The following MYL5 variants were observed in gnomAD, a reference collection of about 807,000 sequenced individuals.
The protein encoded by MYL5 is myosin regulatory light chain 5.
A neutral mutation model predicts 20.8 loss-of-function variants in MYL5; 28 were observed. That is an observed-to-expected ratio of 1.35 (90% CI 1.00 to 1.84). The LOEUF (loss-of-function observed/expected upper bound fraction) is 1.84. Ranked by LOEUF, MYL5 falls within the 40% of genes most tolerant of loss-of-function variation. MYL5 has a pLI of 0.00. For missense variants in MYL5, 274 were observed against 227.3 expected (o/e 1.21, Z -1.32); for synonymous variants, 118 against 87.4 (o/e 1.35, Z -1.95).
intron 3 of MYL5, 191 bp downstream of exon 5, chr4:679,224 C>T (rs1279444040): frequency 2.9e-6 from 2 of 698,436 alleles, no homozygotes; most frequent in Non-Finnish European, 5.1e-6. Flanking sequence ...GAGAGCATCC[C>T]AGGGTGAGAC....
chr4:681,001 A>C, intron 5 of MYL5, 91 bp from the exon 8 acceptor site: 1 of 1,427,656 alleles, frequency 7.0e-7, no homozygotes. Flanking sequence ...GTGAGCGAGT[A>C]CAACCTGGGG....
At chr4:677,698 A>G (rs566373409), upstream of MYL5, among the ~76,000 whole-genome samples, 10 of 152,266 alleles carry the variant, frequency 6.6e-5, no homozygotes, top group African/African-American at 2.2e-4. Context: ...CCCAGCCAAG[A>G]GCGTGTACAG....
At chr4:678,537 C>T (rs769658387) in intron 1 of MYL5, 121 bp from the exon 4 acceptor site, 90 of 1,465,574 alleles carry the variant, frequency 6.1e-5, no homozygotes, top group Non-Finnish European at 7.8e-5. Flanking sequence ...CTGTCTGGCC[C>T]CCTCCAGCCC....
rs1307067318 is a variant in MYL5 at position 677,952 on chromosome 4, G to C, written c.-75G>C. ...GGCAGCCGGAGTCTGAACTGTCCTG[G>C]GGGACCAAGCAGGAGCTTAAGATGG... On this transcript the variant is annotated 5_prime_UTR_variant, in exon 1 of 7. Coordinates refer to ENST00000400159, the Ensembl canonical transcript of MYL5. 43 of 1,612,332 alleles carry C rather than the reference G, an allele frequency of 2.7e-5. No individual in the cohort carries two copies. In the Admixed American group the frequency reaches 5.0e-4, roughly 19 times the overall value.
At chr4:677,885 C>T, upstream of MYL5, 1 of 1,431,730 alleles carries the variant, frequency 7.0e-7, no homozygotes, top group East Asian at 2.3e-5. Flanking sequence ...CTGCAGCTGT[C>T]CAGTCCCCTG....
upstream of MYL5, chr4:676,877 A>G (rs1738891789): frequency 3.0e-6 from 3 of 984,918 alleles, no homozygotes; most frequent in Non-Finnish European, 3.6e-6. Flanking sequence ...AGGGTCCTCA[A>G]CCTCAGGAGT....
At chr4:681,254 A>G in intron 6 of MYL5, 114 bp downstream of exon 8, 1 of 1,286,230 alleles carries the variant, frequency 7.8e-7, no homozygotes, top group Non-Finnish European at 1.1e-6. Context: ...AGGACCCAGG[A>G]CAGAACAGGC....
chr4:681,291 C>T (rs1739471194), intron 6 of MYL5, 151 bp downstream of exon 8: 1 of 894,184 alleles, frequency 1.1e-6, no homozygotes, highest in Non-Finnish European at 1.7e-6. Context: ...AAGTGCCCGT[C>T]TGAGGGACGG....
intron 5 of MYL5, 56 bp downstream of exon 7, chr4:680,643 T>A (rs1375217419): frequency 1.3e-6 from 2 of 1,566,848 alleles, no homozygotes; most frequent in Non-Finnish European, 1.8e-6. Context: ...AGTGATCTCA[T>A]CCTGTCCCAA....
At chr4:678,630 A>C (rs1577330665) in intron 1 of MYL5, 28 bp from the exon 4 acceptor site, 3 of 1,586,170 alleles carry the variant, frequency 1.9e-6, no homozygotes, top group Non-Finnish European at 1.7e-6. Flanking sequence ...CCAGCCCAGG[A>C]CCCTCAGCCA....
chr4:681,010 G>C, intron 5 of MYL5, 82 bp from the exon 8 acceptor site: 1 of 1,490,860 alleles, frequency 6.7e-7, no homozygotes, highest in Non-Finnish European at 9.1e-7. Context: ...TACAACCTGG[G>C]GCCCCTGGAG....
chr4:677,846 G>C (rs537182180), upstream of MYL5: 2 of 989,284 alleles, frequency 2.0e-6, no homozygotes, highest in Admixed American at 1.9e-5. Context: ...GCAAGGGTGT[G>C]AGTCACTGCC....
At chr4:679,668 G>C (rs371372440) in intron 3 of MYL5, among the ~76,000 whole-genome samples, 3 of 152,296 alleles carry the variant, frequency 2.0e-5, no homozygotes, top group South Asian at 4.1e-4. Context: ...GCAGATCCCA[G>C]CACCTTCCCA....
intron 3 of MYL5, 135 bp from the exon 6 acceptor site, chr4:679,766 ACTGCCCCACGTGC>A: frequency 4.6e-6 from 3 of 651,902 alleles, no homozygotes; most frequent in Non-Finnish European, 8.2e-6. Flanking sequence ...AGATGCACCC[ACTGCCCCACGTGC>A]CTGGGCCAAG....
chr4:677,930 A>G (rs1739008678), exon 1 of MYL5: 1 of 1,604,470 alleles, frequency 6.2e-7, no homozygotes, highest in Admixed American at 1.7e-5. Context: ...AGGGAGTGGC[A>G]GCCGGAGTCT....
At chr4:681,253 G>T in intron 6 of MYL5, 113 bp downstream of exon 8, 1 of 1,285,784 alleles carries the variant, frequency 7.8e-7, no homozygotes, top group South Asian at 1.3e-5. Context: ...TAGGACCCAG[G>T]ACAGAACAGG....
In MYL5 at chr4:679,032, G is replaced by C. The variant is rs762161361; in HGVS notation, c.186G>C (p.Leu62=). 5 of 1,613,522 alleles carry C rather than the reference G, an allele frequency of 3.1e-6. No homozygotes were observed. In the South Asian group the frequency reaches 5.5e-5, roughly 18 times the overall value. ...ACCTGAAGGACACCTATGCCTCCCT[G>C]GGTAGGTACCCAGGCAGAACGCCTC... The change falls in exon 3 of 7, where the codon CTG becomes CTC. Residue 62 remains leucine, a splice_region_variant and synonymous_variant. Transcript: ENST00000400159.
At chr4:680,391 G>T (rs994289347) in intron 4 of MYL5, 118 bp from the exon 7 acceptor site, 6 of 1,087,256 alleles carry the variant, frequency 5.5e-6, no homozygotes, top group Non-Finnish European at 8.3e-6. Context: ...CCACCTTGTG[G>T]GCAGAGGCTT....
chr4:679,103 G>T (rs530050078), intron 3 of MYL5, 70 bp downstream of exon 5: 2 of 1,442,106 alleles, frequency 1.4e-6, no homozygotes, highest in Non-Finnish European at 1.9e-6. Flanking sequence ...AGCTCCAGAC[G>T]CCGCGGCCCC....
Sources: gnomAD v4.1 joint callset for allele counts (sites outside exome capture counted in the v4.1 genomes callset) on GRCh38, gnomAD v4.1.1 for gene constraint, MANE v1.5 for transcripts, NCBI Gene and HGNC (gene_info 2026-07-23, HGNC 2026-07-21) for gene names.